Variants in EVI5 observed in about 807,000 individuals in gnomAD.
EVI5 encodes ecotropic viral integration site 5, also known as ecotropic viral integration site 5 protein homolog.
A neutral mutation model predicts 112.0 loss-of-function variants in EVI5; 73 were observed. The ratio of observed to expected loss-of-function variants is 0.65; its 90% CI spans 0.54 to 0.79. The LOEUF is 0.79. Among genes scored for constraint, EVI5 ranks in the 30% least tolerant of loss-of-function variants. The pLI, the probability that EVI5 is intolerant of heterozygous loss-of-function variation, is 0.00. For missense variants in EVI5, 900 were observed against 968.8 expected (o/e 0.93, Z 0.94); for synonymous variants, 305 against 319.9 (o/e 0.95, Z 0.50).
intron 18 of EVI5, among the ~76,000 whole-genome samples, chr1:92,572,622 C>T (rs1670477272): frequency 6.6e-6 from 1 of 152,020 alleles, no homozygotes; most frequent in Admixed American, 6.6e-5. Flanking sequence ...GATCTATATG[C>T]TCTCCCCCAT....
chr1:92,710,479 T>C lies in EVI5; in HGVS notation c.150-5735A>G, dbSNP rs189605950. ...AAAAAGAATACTGTCCAAGCAGGAA[T>C]ATTGTACATTGTAATCTAAGGTGTC... On this transcript the variant is annotated intron_variant, in intron 2 of 19. Coordinates refer to ENST00000684568, the MANE Select transcript of EVI5 (RefSeq NM_001350197.2). Among the ~76,000 whole-genome samples, 10 of 152,362 alleles carry C rather than the reference T, an allele frequency of 6.6e-5. No individual in the cohort carries two copies. In the East Asian group the frequency reaches 1.9e-3, roughly 29 times the overall value.
chr1:92,663,420 C>T lies in EVI5; in HGVS notation c.1245G>A (p.Gln415=). The T allele has an allele frequency of 7.1e-7, 1 of 1,412,396 alleles. No homozygotes were observed. The highest frequency in any genetic ancestry group is 1.8e-4 in the Middle Eastern group (1 of 5,544). 87.5% of individuals were successfully genotyped at this position (1,412,396 alleles called of 1,614,324 possible). A position where few individuals can be genotyped will look rare whatever the true frequency, so the allele number is the denominator to read the frequency against. The part of the protein sequence containing the change: ...ESASLADRLI[Q]GQVTRAQEAE... ...AACTAAAACAAAACAAAAACTATAC[C>T]TGTATCAATCTATCTGCCAAGGAAG... is the stretch of plus-strand genomic sequence containing the variant. Residue 415 remains glutamine, a splice_region_variant and synonymous_variant, in exon 12 of 20, where the codon CAG becomes CAA. Transcript: ENST00000684568.
At chr1:92,609,255 G>T (rs1651176200) in intron 16 of EVI5, among the ~76,000 whole-genome samples, 1 of 152,198 alleles carries the variant, frequency 6.6e-6, no homozygotes, top group South Asian at 2.1e-4. Flanking sequence ...CCAAATTTCA[G>T]TAGAGATAGT....
At chr1:92,787,968 TC>T (rs1685771314), upstream of EVI5, among the ~76,000 whole-genome samples, 1 of 25,608 alleles carries the variant, frequency 3.9e-5, no homozygotes, top group Non-Finnish European at 7.8e-5. Flanking sequence ...TATTTGAAAT[TC>T]TAGAAAAGAA....
intron 2 of EVI5, among the ~76,000 whole-genome samples, chr1:92,721,228 G>T (rs186933949): frequency 6.6e-6 from 1 of 152,130 alleles, no homozygotes; most frequent in Non-Finnish European, 1.5e-5. Context: ...ACATGCACAC[G>T]TATGTTTATT....
chr1:92,721,363 T>C (rs1469334397), intron 2 of EVI5, among the ~76,000 whole-genome samples: 2 of 152,232 alleles, frequency 1.3e-5, no homozygotes, highest in Non-Finnish European at 2.9e-5. Flanking sequence ...AAGGATGAGT[T>C]CATGTACTTT....
At chr1:92,691,962 T>C (rs1669569082) in intron 9 of EVI5, among the ~76,000 whole-genome samples, 1 of 151,994 alleles carries the variant, frequency 6.6e-6, no homozygotes, top group Non-Finnish European at 1.5e-5. Context: ...AGATAATTAA[T>C]CAAAGTCAAT....
rs888855366 is a variant in EVI5, at chr1:92,510,156, C to A, written c.*3500G>T. 1 of 152,136 alleles carries A rather than the reference C, an allele frequency of 6.6e-6. No individual in the cohort carries two copies. Among genetic ancestry groups the A allele is most frequent in the Non-Finnish European group, 1.5e-5 (1 of 68,018 alleles). 9.4% of individuals were successfully genotyped at this position (152,136 alleles called of 1,614,324 possible). On this transcript the variant is annotated 3_prime_UTR_variant, in exon 20 of 20. Coordinates refer to ENST00000684568, the MANE Select transcript of EVI5 (RefSeq NM_001350197.2). ...AAGAGTTTCAACGGATTAAGGTTTC[C>A]TTACCATGATTCTTTTAACACCTAA...
intron 19 of EVI5, among the ~76,000 whole-genome samples, chr1:92,548,656 T>C (rs1374453981): frequency 6.6e-6 from 1 of 152,168 alleles, no homozygotes; most frequent in Non-Finnish European, 1.5e-5. Context: ...AGTCTCAGGA[T>C]ACAAAATCAA....
chr1:92,532,496 C>T (rs1358227312), intron 19 of EVI5, among the ~76,000 whole-genome samples: 1 of 152,104 alleles, frequency 6.6e-6, no homozygotes, highest in Non-Finnish European at 1.5e-5. Context: ...TTCTCGGCAC[C>T]GCATCACACT....
At chr1:92,713,261 C>G (rs895209817) in intron 2 of EVI5, among the ~76,000 whole-genome samples, 1 of 151,598 alleles carries the variant, frequency 6.6e-6, no homozygotes, top group African/African-American at 2.4e-5. Flanking sequence ...ATTTTGGGTA[C>G]TCAATTGCTA....
chr1:92,601,205 C>T (rs1000050757), intron 18 of EVI5, among the ~76,000 whole-genome samples: 2 of 152,134 alleles, frequency 1.3e-5, no homozygotes, highest in Admixed American at 6.5e-5. Context: ...TCTATCACCT[C>T]ACACCTGTTA....
At chr1:92,606,922 A>ACACAC (rs1166280187) in intron 17 of EVI5, among the ~76,000 whole-genome samples, 1 of 129,076 alleles carries the variant, frequency 7.7e-6, no homozygotes, top group Non-Finnish European at 1.6e-5. Context: ...ACACACACAC[A>ACACAC]CCCCCCCAAA....
At chr1:92,755,566 G>A (rs1680832955) in intron 1 of EVI5, among the ~76,000 whole-genome samples, 1 of 152,130 alleles carries the variant, frequency 6.6e-6, no homozygotes, top group African/African-American at 2.4e-5. Flanking sequence ...CATGTCGATG[G>A]GCTGACTCAG....
chr1:92,669,002 C>T (rs867631993), intron 10 of EVI5, among the ~76,000 whole-genome samples: 4 of 152,104 alleles, frequency 2.6e-5, no homozygotes, highest in Non-Finnish European at 5.9e-5. Flanking sequence ...TTAACACTTG[C>T]ACATGACATT....
chr1:92,665,852 T>C (rs371726111), intron 11 of EVI5, 87 bp downstream of exon 11: 4 of 895,724 alleles, frequency 4.5e-6, no homozygotes, highest in Non-Finnish European at 3.5e-6. Flanking sequence ...AGGAGACATG[T>C]GCCAGAATTT....
At chr1:92,670,507 T>C (rs1665691499) in intron 10 of EVI5, among the ~76,000 whole-genome samples, 1 of 152,206 alleles carries the variant, frequency 6.6e-6, no homozygotes, top group South Asian at 2.1e-4. Context: ...TCTCCCTTCG[T>C]AGTATAACTG....
intron 9 of EVI5, among the ~76,000 whole-genome samples, chr1:92,686,754 G>C (rs936027832): frequency 7.2e-5 from 11 of 151,906 alleles, no homozygotes; most frequent in Non-Finnish European, 1.5e-4. Flanking sequence ...ACCAATAATA[G>C]ACAAACAGCC....
chr1:92,648,379 AT>A (rs1055613663), intron 13 of EVI5, among the ~76,000 whole-genome samples: 1 of 151,196 alleles, frequency 6.6e-6, no homozygotes, highest in African/African-American at 2.4e-5. Flanking sequence ...TCTCAAAAAA[AT>A]AATAATAATA....
Sources: gnomAD v4.1 joint callset for allele counts (sites outside exome capture counted in the v4.1 genomes callset) on GRCh38, gnomAD v4.1.1 for gene constraint, MANE v1.5 for transcripts, NCBI Gene and HGNC (gene_info 2026-07-23, HGNC 2026-07-21) for gene names.